Variants in CSMD3 observed in about 807,000 individuals in gnomAD.
CSMD3 encodes CUB and Sushi multiple domains 3.
Under a neutral mutation model 435.2 loss-of-function variants are expected in CSMD3, and 177 were observed. That is an observed-to-expected ratio of 0.41 (90% CI 0.36 to 0.46). The LOEUF (loss-of-function observed/expected upper bound fraction) is 0.46, where lower values mean the gene tolerates loss of function less well. Among genes scored for constraint, CSMD3 ranks in the 20% least tolerant of loss-of-function variants. CSMD3 has a pLI of 0.34. For synonymous variants in CSMD3, 1,656 were observed against 1,520.5 expected (o/e 1.09, Z -2.07); for missense variants, 4,265 against 4,504.6 (o/e 0.95, Z 1.52).
At chr8:113,187,476 GCTGGAAAATA>G in intron 3 of CSMD3, among the ~76,000 whole-genome samples, 1 of 152,112 alleles carries the variant, frequency 6.6e-6, no homozygotes, top group Admixed American at 6.5e-5. Flanking sequence ...TTCACTTAAA[GCTGGAAAATA>G]CTGGAAACTT....
intron 70 of CSMD3, among the ~76,000 whole-genome samples, chr8:112,227,806 G>A (rs575754145): frequency 3.7e-4 from 57 of 152,230 alleles, no homozygotes; most frequent in Non-Finnish European, 6.2e-4. Context: ...ACTTTGGGAC[G>A]CCGAGGCGGG....
chr8:112,954,607 A>T, intron 8 of CSMD3, 77 bp downstream of exon 8: 1 of 864,922 alleles, frequency 1.2e-6, no homozygotes, highest in Admixed American at 1.9e-5. Flanking sequence ...TATTTTGGTA[A>T]AACACATACA....
At chr8:112,228,964 T>C in intron 69 of CSMD3, 73 bp from the exon 70 acceptor site, 1 of 830,150 alleles carries the variant, frequency 1.2e-6, no homozygotes, top group East Asian at 2.7e-5. Context: ...ATGAATCAAT[T>C]AATTTCTTCT....
At position 112,591,001 on chromosome 8, in the gene CSMD3, G is replaced by A. The variant is rs576145035; in HGVS notation, c.3716-3766C>T. Among the ~76,000 whole-genome samples the A allele has an allele frequency of 3.3e-5, 5 of 152,124 alleles. No homozygotes were observed. In the South Asian group the frequency reaches 1.0e-3, roughly 32 times the overall value. On this transcript the variant is annotated intron_variant, in intron 22 of 70. Coordinates refer to ENST00000297405, the MANE Select transcript of CSMD3 (RefSeq NM_198123.2). ...TCCTCTCTCTAATTTGAACTAGGGGGTGGTGTCATCTTTAAATCATAAAAA... is the reference window on the plus strand; with the variant it reads ...TCCTCTCTCTAATTTGAACTAGGGGATGGTGTCATCTTTAAATCATAAAAA...
intron 32 of CSMD3, among the ~76,000 whole-genome samples, chr8:112,424,206 G>A (rs1303938943): frequency 6.6e-6 from 1 of 152,016 alleles, no homozygotes. Flanking sequence ...AGCCCAGATC[G>A]ACGGCCAATA....
chr8:112,399,186 T>C (rs1831109955), intron 35 of CSMD3, among the ~76,000 whole-genome samples: 1 of 152,078 alleles, frequency 6.6e-6, no homozygotes, highest in Non-Finnish European at 1.5e-5. Context: ...ACTCTTAAAG[T>C]TCTCTTTTGA....
chr8:113,261,163 G>A (rs2093424223), intron 3 of CSMD3, among the ~76,000 whole-genome samples: 1 of 152,068 alleles, frequency 6.6e-6, no homozygotes, highest in Non-Finnish European at 1.5e-5. Context: ...TTGGTCCATA[G>A]TGTCTATTTA....
At chr8:112,672,425 C>G (rs959446600) in intron 16 of CSMD3, among the ~76,000 whole-genome samples, 1 of 152,060 alleles carries the variant, frequency 6.6e-6, no homozygotes, top group African/African-American at 2.4e-5. Context: ...ATCTACTGAG[C>G]TTGTTAAAAT....
intron 52 of CSMD3, among the ~76,000 whole-genome samples, chr8:112,302,982 A>T (rs912000934): frequency 1.3e-5 from 2 of 151,836 alleles, no homozygotes; most frequent in South Asian, 2.1e-4. Flanking sequence ...ATTCCTTGCC[A>T]TTCCCTCATT....
At chr8:113,371,673 T>A (rs2094346816) in intron 1 of CSMD3, among the ~76,000 whole-genome samples, 2 of 152,152 alleles carry the variant, frequency 1.3e-5, no homozygotes, top group African/African-American at 4.8e-5. Flanking sequence ...AGGCAACGAA[T>A]CACAGATCAA....
intron 13 of CSMD3, among the ~76,000 whole-genome samples, chr8:112,799,572 A>ATG (rs1326413987): frequency 6.6e-6 from 1 of 151,962 alleles, no homozygotes. Context: ...AAGGTCCAAC[A>ATG]TGTGTGGAAG....
intron 10 of CSMD3, among the ~76,000 whole-genome samples, chr8:112,917,712 C>T (rs986075570): frequency 2.6e-5 from 4 of 151,844 alleles, no homozygotes; most frequent in Admixed American, 6.6e-5. Flanking sequence ...TGATAGTTGC[C>T]GTATTGGAAT....
chr8:113,073,803 C>A (rs1325149093), intron 5 of CSMD3, among the ~76,000 whole-genome samples: 1 of 151,638 alleles, frequency 6.6e-6, no homozygotes, highest in Non-Finnish European at 1.5e-5. Context: ...CATTCGCCTT[C>A]GGAAATGTTG....
intron 1 of CSMD3, among the ~76,000 whole-genome samples, chr8:113,389,810 T>C (rs141548932): frequency 3.0e-3 from 455 of 151,898 alleles, no homozygotes; most frequent in Non-Finnish European, 4.7e-3. Flanking sequence ...AAAATTGAGA[T>C]GGTCCTGGGA....
chr8:113,156,638 C>T (rs1397084781), intron 4 of CSMD3, among the ~76,000 whole-genome samples: 2 of 151,682 alleles, frequency 1.3e-5, no homozygotes, highest in Non-Finnish European at 2.9e-5. Context: ...TAGTGGTTCA[C>T]GTCTGCAATC....
intron 11 of CSMD3, among the ~76,000 whole-genome samples, chr8:112,857,762 A>G (rs1206073445): frequency 1.3e-5 from 2 of 151,776 alleles, no homozygotes; most frequent in East Asian, 3.8e-4. Flanking sequence ...AAAGTGCTAG[A>G]AAAAAACTAC....
chr8:113,117,386 G>C (rs2090862874), intron 4 of CSMD3, among the ~76,000 whole-genome samples: 1 of 152,182 alleles, frequency 6.6e-6, no homozygotes. Flanking sequence ...GTCAAGAATT[G>C]AGGTTTGGGA....
intron 1 of CSMD3, among the ~76,000 whole-genome samples, chr8:113,386,208 A>G (rs1453146494): frequency 2.0e-5 from 3 of 151,852 alleles, no homozygotes; most frequent in Non-Finnish European, 4.4e-5. Flanking sequence ...TGCCTTTTTT[A>G]TTTTGGTAGG....
At chr8:112,775,540 A>G (rs899972892) in intron 13 of CSMD3, among the ~76,000 whole-genome samples, 2 of 151,914 alleles carry the variant, frequency 1.3e-5, no homozygotes, top group African/African-American at 4.8e-5. Flanking sequence ...TCGTAGCAAA[A>G]AATATTTTGG....
Sources: gnomAD v4.1 joint callset for allele counts (sites outside exome capture counted in the v4.1 genomes callset) on GRCh38, gnomAD v4.1.1 for gene constraint, MANE v1.5 for transcripts, NCBI Gene and HGNC (gene_info 2026-07-23, HGNC 2026-07-21) for gene names.